Variants in NTNG1 observed in about 807,000 individuals in gnomAD.
NTNG1 encodes the protein netrin-G1.
Under a neutral mutation model 54.0 loss-of-function variants are expected in NTNG1, and 16 were observed. That is an observed-to-expected ratio of 0.30 (90% confidence interval 0.20 to 0.45). The LOEUF is 0.45. Among genes scored for constraint, NTNG1 ranks in the 20% least tolerant of loss-of-function variants. The pLI, the probability that NTNG1 is intolerant of heterozygous loss-of-function variation, is 1.00. For synonymous variants in NTNG1, 255 were observed against 263.1 expected (o/e 0.97, Z 0.30); for missense variants, 530 against 678.7 (o/e 0.78, Z 2.43).
chr1:107,204,567 T>G (rs2101320212), intron 2 of NTNG1, among the ~76,000 whole-genome samples: 1 of 152,156 alleles, frequency 6.6e-6, no homozygotes, highest in Middle Eastern at 3.4e-3. Flanking sequence ...ACCCTTCATA[T>G]CACCCCAGCC....
chr1:107,184,596 A>G (rs1388455430), intron 2 of NTNG1, among the ~76,000 whole-genome samples: 2 of 152,218 alleles, frequency 1.3e-5, no homozygotes, highest in East Asian at 1.9e-4. Flanking sequence ...ATCAATTTAT[A>G]TATCCACTAC....
chr1:107,174,741 G>T (rs1474744735), intron 2 of NTNG1, among the ~76,000 whole-genome samples: 1 of 151,390 alleles, frequency 6.6e-6, no homozygotes, highest in African/African-American at 2.4e-5. Flanking sequence ...GAAATTTAGA[G>T]ATTTTTTTTT....
chr1:107,189,315 C>A (rs1657711314), intron 2 of NTNG1, among the ~76,000 whole-genome samples: 1 of 123,388 alleles, frequency 8.1e-6, no homozygotes. Flanking sequence ...CAGGCCACTG[C>A]ACTAAAACCT....
intron 2 of NTNG1, among the ~76,000 whole-genome samples, chr1:107,183,305 A>G (rs530250306): frequency 6.6e-6 from 1 of 152,326 alleles, no homozygotes; most frequent in South Asian, 2.1e-4. Context: ...CCCATAAGGA[A>G]CACCAGTTTT....
chr1:107,163,570 G>A (rs1377562715), intron 2 of NTNG1, among the ~76,000 whole-genome samples: 1 of 152,128 alleles, frequency 6.6e-6, no homozygotes, highest in East Asian at 1.9e-4. Context: ...CTAACTGCTT[G>A]TGAGGTTCAG....
chr1:107,217,435 A>G lies in NTNG1; in HGVS notation c.246+68596A>G, dbSNP rs191695195. Reference sequence around the variant, plus strand: ...CATCTTTTGGATTTTTTGTTTGTTTATTTGTTTCAATTTCATTTAGTTCTG... The same window carrying G: ...CATCTTTTGGATTTTTTGTTTGTTTGTTTGTTTCAATTTCATTTAGTTCTG... On this transcript the variant is annotated intron_variant, in intron 2 of 7. Coordinates refer to ENST00000370068, the MANE Select transcript of NTNG1 (RefSeq NM_001113226.3). Among the ~76,000 whole-genome samples, 566 of 151,252 alleles carry G rather than the reference A, an allele frequency of 3.7e-3. 9 individuals carry two copies. Among genetic ancestry groups the G allele is most frequent in the African/African-American group, 0.013 (522 of 41,268 alleles).
intron 1 of NTNG1, chr1:107,143,313 G>A (rs555940945): frequency 1.3e-5 from 2 of 152,258 alleles, no homozygotes; most frequent in East Asian, 1.9e-4. Flanking sequence ...ATTCAGGTTA[G>A]CCTTTTTAGG....
intron 2 of NTNG1, among the ~76,000 whole-genome samples, chr1:107,275,179 C>A (rs1442742652): frequency 6.6e-6 from 1 of 152,126 alleles, no homozygotes; most frequent in African/African-American, 2.4e-5. Context: ...GAGTTCAACA[C>A]CAGCCTGGCC....
intron 5 of NTNG1, among the ~76,000 whole-genome samples, chr1:107,414,310 GTGCGACCAC>G (rs1674051547): frequency 6.6e-6 from 1 of 152,000 alleles, no homozygotes; most frequent in African/African-American, 2.4e-5. Flanking sequence ...TTGATTTCAA[GTGCGACCAC>G]TAAATTGTCA....
chr1:107,480,594 T>A lies in NTNG1; in HGVS notation c.1391-17T>A, dbSNP rs775350402. On this transcript the variant is annotated splice_polypyrimidine_tract_variant and intron_variant, in intron 7 of 7. Transcript: ENST00000370068. ...TCCCCGCGCCCACCCACCCCTACCT[T>A]CCCCCTCATTCTGCAGCGAATGTCT... is the stretch of plus-strand genomic sequence containing the variant. 2.7e-5 allele frequency: 12 copies of A among 449,914 alleles called. No individual in the cohort carries two copies. Among genetic ancestry groups the A allele is most frequent in the Non-Finnish European group, 4.3e-5 (10 of 229,976 alleles). 27.9% of individuals were successfully genotyped at this position (449,914 alleles called of 1,614,324 possible).
At chr1:107,209,550 G>A (rs1294001270) in intron 2 of NTNG1, among the ~76,000 whole-genome samples, 1 of 152,132 alleles carries the variant, frequency 6.6e-6, no homozygotes. Context: ...CCTTCTCTCA[G>A]TAATCAGTCC....
At chr1:107,377,922 T>C (rs1298163975) in intron 3 of NTNG1, among the ~76,000 whole-genome samples, 5 of 152,208 alleles carry the variant, frequency 3.3e-5, no homozygotes, top group Non-Finnish European at 7.3e-5. Context: ...TTGCATTATA[T>C]ATTGCATAAA....
intron 3 of NTNG1, among the ~76,000 whole-genome samples, chr1:107,354,904 T>C (rs1669847612): frequency 6.6e-6 from 1 of 152,146 alleles, no homozygotes; most frequent in Non-Finnish European, 1.5e-5. Flanking sequence ...TTTAGTGTGA[T>C]GGGTTTGACA....
chr1:107,160,834 T>C (rs1338030638), intron 2 of NTNG1, among the ~76,000 whole-genome samples: 1 of 152,154 alleles, frequency 6.6e-6, no homozygotes, highest in Non-Finnish European at 1.5e-5. Flanking sequence ...CCTATAGTTT[T>C]TTCCTAACTT....
At chr1:107,175,397 A>C (rs1201419303) in intron 2 of NTNG1, among the ~76,000 whole-genome samples, 1 of 152,112 alleles carries the variant, frequency 6.6e-6, no homozygotes, top group Non-Finnish European at 1.5e-5. Flanking sequence ...CATAGGATAA[A>C]TTGTTTGTTT....
chr1:107,312,876 A>G (rs1285009267), intron 2 of NTNG1, among the ~76,000 whole-genome samples: 2 of 152,206 alleles, frequency 1.3e-5, no homozygotes, highest in Non-Finnish European at 2.9e-5. Flanking sequence ...AAAGATGCAT[A>G]CAATAGAAAT....
chr1:107,153,154 C>T (rs2101029111), intron 2 of NTNG1, among the ~76,000 whole-genome samples: 1 of 152,196 alleles, frequency 6.6e-6, no homozygotes, highest in Non-Finnish European at 1.5e-5. Context: ...GGTACAAAGC[C>T]TTTGTGTTTT....
chr1:107,354,258 C>CA (rs1669804638), intron 3 of NTNG1, among the ~76,000 whole-genome samples: 1 of 151,704 alleles, frequency 6.6e-6, no homozygotes, highest in Admixed American at 6.6e-5. Flanking sequence ...ATCATGAGGT[C>CA]AAGAGTTCAA....
At chr1:107,141,205 C>A (rs937157376) in intron 1 of NTNG1, 65 bp downstream of exon 1, 3 of 151,894 alleles carry the variant, frequency 2.0e-5, no homozygotes, top group African/African-American at 7.3e-5. Flanking sequence ...CCTCTCCCGC[C>A]GGCGGCCGGG....
Sources: gnomAD v4.1 joint callset for allele counts (sites outside exome capture counted in the v4.1 genomes callset) on GRCh38, gnomAD v4.1.1 for gene constraint, MANE v1.5 for transcripts, NCBI Gene and HGNC (gene_info 2026-07-23, HGNC 2026-07-21) for gene names.